Variants in C20orf96 observed in about 807,000 individuals in gnomAD.
C20orf96 encodes chromosome 20 open reading frame 96.
Under a neutral mutation model 52.6 loss-of-function variants are expected in C20orf96, and 57 were observed. The ratio of observed to expected loss-of-function variants is 1.08; its 90% CI spans 0.88 to 1.35. The LOEUF (loss-of-function observed/expected upper bound fraction) is 1.35, where lower values mean the gene tolerates loss of function less well. Ranked by LOEUF, C20orf96 falls within the 40% of genes most tolerant of loss-of-function variation. The pLI is 0.00. For missense variants in C20orf96, 478 were observed against 443.6 expected, an observed-to-expected ratio of 1.08 and a Z score of -0.70; for synonymous variants, 168 against 157.2, an observed-to-expected ratio of 1.07 and a Z score of -0.51.
chr20:271,218 G>T lies in C20orf96; in HGVS notation c.1081C>A (p.Leu361Ile). 1.3e-5 allele frequency: 20 copies of T among 1,555,684 alleles called. No individual in the cohort carries two copies. Among genetic ancestry groups the T allele is most frequent in the Non-Finnish European group, 1.7e-5 (20 of 1,149,160 alleles). The change falls in exon 11 of 11, where the codon CTA (leucine) becomes ATA (isoleucine). Residue 361 changes from leucine to isoleucine, a missense_variant. Transcript: ENST00000360321. ...CATGGCACTGCCATCTAGAAGGGTA[G>T]TGGCTCTTCCACAGGAATGTTGAGG... The part of the protein sequence containing the change: ...VILNIPVEEP[L>I]PF
chr20:276,417 A>T (rs2012025454), intron 9 of C20orf96: 2 of 985,272 alleles, frequency 2.0e-6, no homozygotes, highest in East Asian at 2.3e-4. Context: ...TGAAGAGGCA[A>T]GATAATGAAA....
At chr20:274,041 GGAAA>G (rs199707365) in intron 10 of C20orf96, among the ~76,000 whole-genome samples, 1,525 of 151,408 alleles carry the variant, frequency 0.01, 30 homozygotes, top group African/African-American at 0.035. Flanking sequence ...AATGAAGGAA[GGAAA>G]GAAAGAAAAG....
At chr20:283,736 T>C (rs1049723893) in intron 4 of C20orf96, among the ~76,000 whole-genome samples, 19 of 152,160 alleles carry the variant, frequency 1.2e-4, no homozygotes, top group African/African-American at 4.6e-4. Flanking sequence ...CTTTGACCCC[T>C]GATCCTGCCA....
chr20:271,069 A>G lies in C20orf96; in HGVS notation c.*138T>C. 4.6e-6 allele frequency: 3 copies of G among 651,410 alleles called. No individual in the cohort carries two copies. Among genetic ancestry groups the G allele is most frequent in the Non-Finnish European group, 8.0e-6 (3 of 373,424 alleles). The allele number at this position is 651,410 out of a possible 1,614,324, so 40.4% of individuals were successfully genotyped here. On this transcript the variant is annotated 3_prime_UTR_variant, in exon 11 of 11. Transcript: ENST00000360321. ...AGGGAGGGAGGGAGGGAGGGAAAGA[A>G]AGAGGGAGGAAGGGCAGAGGGAGCA...
At chr20:285,389 T>C (rs532717756) in intron 3 of C20orf96, among the ~76,000 whole-genome samples, 9 of 152,366 alleles carry the variant, frequency 5.9e-5, no homozygotes, top group Non-Finnish European at 8.8e-5. Context: ...ATCTCTTTAA[T>C]AGATCAATGT....
chr20:279,739 AGGTGGGCCG>A (rs1322913092), intron 4 of C20orf96, among the ~76,000 whole-genome samples: 11 of 152,156 alleles, frequency 7.2e-5, no homozygotes, highest in Non-Finnish European at 2.9e-5. Context: ...TGGGAGGCCA[AGGTGGGCCG>A]ATCACGAGGT....
chr20:279,818 A>T (rs1326069880), intron 4 of C20orf96, among the ~76,000 whole-genome samples: 1 of 152,004 alleles, frequency 6.6e-6, no homozygotes, highest in Admixed American at 6.6e-5. Flanking sequence ...AAAAATACAA[A>T]AATTAGCCGA....
intron 6 of C20orf96, among the ~76,000 whole-genome samples, chr20:277,620 C>T (rs2012075008): frequency 6.6e-6 from 1 of 152,186 alleles, no homozygotes; most frequent in Non-Finnish European, 1.5e-5. Context: ...TGCATGATCC[C>T]TAGACTAGTC....
chr20:285,350 A>C (rs897191140), intron 3 of C20orf96, among the ~76,000 whole-genome samples: 1 of 152,234 alleles, frequency 6.6e-6, no homozygotes, highest in Non-Finnish European at 1.5e-5. Flanking sequence ...TGCTTCAGGT[A>C]CAACCCAGCT....
chr20:284,386 G>A (rs547275487), intron 3 of C20orf96, among the ~76,000 whole-genome samples: 7 of 152,312 alleles, frequency 4.6e-5, no homozygotes, highest in African/African-American at 1.2e-4. Context: ...AAAGAGAGTC[G>A]GGAACTCCCA....
intron 6 of C20orf96, among the ~76,000 whole-genome samples, 174 bp from the exon 7 acceptor site, chr20:277,557 C>T (rs762257834): frequency 2.0e-5 from 3 of 152,044 alleles, no homozygotes; most frequent in Non-Finnish European, 2.9e-5. Flanking sequence ...AGACGGTTTT[C>T]CACCCCTGCA....
At chr20:278,269 TG>T in intron 6 of C20orf96, 60 bp downstream of exon 6, 1 of 1,246,680 alleles carries the variant, frequency 8.0e-7, no homozygotes, top group Non-Finnish European at 1.2e-6. Context: ...GTGAATGCTC[TG>T]CTGCTGACCT....
At chr20:271,830 A>C (rs1408828627) in intron 10 of C20orf96, among the ~76,000 whole-genome samples, 2 of 152,220 alleles carry the variant, frequency 1.3e-5, no homozygotes, top group African/African-American at 2.4e-5. Context: ...AGCAGGTAAT[A>C]AGTGCTCAGT....
Position 277,306 on chromosome 20 carries a change from TG to T in C20orf96, c.642del (p.Tyr214Ter). On this transcript the variant is annotated frameshift_variant, in exon 7 of 11. Transcript: ENST00000360321. LOFTEE classifies it high-confidence loss of function. The stretch of plus-strand genomic sequence containing the variant: ...GACTTGATGGAATACTCATGGTCCA[TG>T]TAAGTGCTCAGGAAGTTCACTTCCT... ...TQEEVNFLST[Y>X]MDHEYSIKSV... The T allele has an allele frequency of 6.2e-7, 1 of 1,614,186 alleles. No homozygotes were observed. Among genetic ancestry groups the T allele is most frequent in the African/African-American group, 1.3e-5 (1 of 75,058 alleles).
rs1161808328 is a variant in C20orf96, at chr20:277,375, G to A, written c.574C>T (p.Gln192Ter). Residue 192 changes from glutamine to a stop codon, truncating the protein, a stop_gained, in exon 7 of 11, where the codon CAG becomes TAG. Transcript: ENST00000360321. LOFTEE classifies it high-confidence loss of function. ...TTGGCATTCAGCTGCTCTGCCTGCTGCTCAAGATCTGGGGAGGGGTTAGGG... is the reference window on the plus strand; with the variant it reads ...TTGGCATTCAGCTGCTCTGCCTGCTACTCAAGATCTGGGGAGGGGTTAGGG... ...KKKCKMSYLEQQAEQLNAKIE... is the reference protein window; with the variant it reads ...KKKCKMSYLE The A allele has an allele frequency of 6.2e-7, 1 of 1,613,828 alleles. No homozygotes were observed. The highest frequency in any genetic ancestry group is 1.3e-5 in the African/African-American group (1 of 75,052).
chr20:290,726 A>T lies in C20orf96; in HGVS notation c.-116T>A, dbSNP rs777851577. 2.4e-5 allele frequency: 29 copies of T among 1,218,894 alleles called. No individual in the cohort carries two copies. Among genetic ancestry groups the T allele is most frequent in the Non-Finnish European group, 3.3e-5 (28 of 851,214 alleles). The allele number at this position is 1,218,894 out of a possible 1,614,324, so 75.5% of individuals were successfully genotyped here. A position where few individuals can be genotyped will look rare whatever the true frequency, so the allele number is the denominator to read the frequency against. On this transcript the variant is annotated 5_prime_UTR_variant, in exon 1 of 11. Coordinates refer to ENST00000360321, the MANE Select transcript of C20orf96 (RefSeq NM_153269.3). ...GATCGCGCGGTAACCCAGGCCACTCAGAAGTCCCGAGACCCGATGCTTTCG... is the reference window on the plus strand; with the variant it reads ...GATCGCGCGGTAACCCAGGCCACTCTGAAGTCCCGAGACCCGATGCTTTCG...
At chr20:278,600 T>A (rs1472323207) in intron 5 of C20orf96, among the ~76,000 whole-genome samples, 171 bp from the exon 6 acceptor site, 1 of 151,896 alleles carries the variant, frequency 6.6e-6, no homozygotes, top group African/African-American at 2.4e-5. Context: ...AAGGACTATA[T>A]AAAGACATAC....
chr20:278,033 C>A (rs1410014499), intron 6 of C20orf96, among the ~76,000 whole-genome samples: 1 of 152,216 alleles, frequency 6.6e-6, no homozygotes, highest in African/African-American at 2.4e-5. Context: ...CCTCTCTTAG[C>A]CTCGGTTTCC....
At chr20:283,915 C>A (rs377230676) in intron 4 of C20orf96, 48 bp downstream of exon 4, 23 of 1,332,118 alleles carry the variant, frequency 1.7e-5, no homozygotes, top group Non-Finnish European at 2.5e-5. Flanking sequence ...CAGCCATCAT[C>A]CCCGTCCCTG....
Sources: gnomAD v4.1 joint callset for allele counts (sites outside exome capture counted in the v4.1 genomes callset) on GRCh38, gnomAD v4.1.1 for gene constraint, MANE v1.5 for transcripts, NCBI Gene and HGNC (gene_info 2026-07-23, HGNC 2026-07-21) for gene names.